The following RGS7BP variants were observed in gnomAD, a reference collection of about 807,000 sequenced individuals.
RGS7BP encodes regulator of G protein signaling 7-binding protein.
Under a neutral mutation model 31.3 loss-of-function variants are expected in RGS7BP, and 9 were observed. That is an observed-to-expected ratio of 0.29 (90% confidence interval 0.17 to 0.50). The LOEUF (loss-of-function observed/expected upper bound fraction) is 0.50, where lower values mean the gene tolerates loss of function less well. RGS7BP is among the 20% of genes least tolerant of loss of function. The probability of loss-of-function intolerance (pLI) is 0.98; values close to 1 mark genes in which losing one functional copy is unlikely to be tolerated. For missense variants in RGS7BP, 274 were observed against 322.0 expected (o/e 0.85, Z 1.14); for synonymous variants, 115 against 120.1 (o/e 0.96, Z 0.28).
intron 2 of RGS7BP, among the ~76,000 whole-genome samples, chr5:64,532,688 G>A (rs13164963): frequency 0.067 from 10,163 of 152,142 alleles, 413 homozygotes; most frequent in African/African-American, 0.094. Context: ...TTCAGTTCCT[G>A]GAAACTACCC....
chr5:64,530,493 G>T (rs1023117498), intron 2 of RGS7BP, among the ~76,000 whole-genome samples: 3 of 152,210 alleles, frequency 2.0e-5, no homozygotes, highest in African/African-American at 7.2e-5. Flanking sequence ...ACGAGGAAAT[G>T]AAGGCTCACA....
rs890516862 is a variant in RGS7BP at position 64,610,483 on chromosome 5, T to C, written c.*1231T>C. The C allele has an allele frequency of 3.9e-5, 6 of 151,916 alleles. No homozygotes were observed. The highest frequency in any genetic ancestry group is 8.8e-5 in the Non-Finnish European group (6 of 67,904). The allele number at this position is 151,916 out of a possible 1,614,324, so 9.4% of individuals were successfully genotyped here. ...GAGAGATCAAGTCTTTGCACTTTTTTTCTTGTTTTCCATAGTCTGAAAAAC... is the reference window on the plus strand; with the variant it reads ...GAGAGATCAAGTCTTTGCACTTTTTCTCTTGTTTTCCATAGTCTGAAAAAC... On this transcript the variant is annotated 3_prime_UTR_variant, in exon 6 of 6. Transcript: ENST00000334025.
At chr5:64,527,606 T>TAAAAAAAAAAAA (rs59081277) in intron 2 of RGS7BP, among the ~76,000 whole-genome samples, 6 of 86,464 alleles carry the variant, frequency 6.9e-5, no homozygotes, top group Non-Finnish European at 1.1e-4. Flanking sequence ...CTTATAACAG[T>TAAAAAAAAAAAA]AAAAAAAAAA....
In RGS7BP at chr5:64,542,654, T is replaced by G. The variant is rs111672664; in HGVS notation, c.333-33120T>G. On this transcript the variant is annotated intron_variant, in intron 2 of 5. Coordinates refer to ENST00000334025, the MANE Select transcript of RGS7BP (RefSeq NM_001029875.3). ...TTCCCCAAGTAGGGAGGAAGGAGCC[T>G]CAGGGCTGCTGTTAACCCTTTGTGT... is the stretch of plus-strand genomic sequence containing the variant. Among the ~76,000 whole-genome samples the G allele has an allele frequency of 3.1e-3, 469 of 152,322 alleles. 4 individuals are homozygous for G. Among genetic ancestry groups the G allele is most frequent in the African/African-American group, 0.011 (442 of 41,578 alleles).
intron 3 of RGS7BP, among the ~76,000 whole-genome samples, chr5:64,582,972 GA>G (rs1260849030): frequency 2.0e-5 from 3 of 152,168 alleles, no homozygotes; most frequent in Admixed American, 6.5e-5. Context: ...AAATAAAGCA[GA>G]ATAAATCTTA....
At chr5:64,569,532 A>C (rs927308194) in intron 2 of RGS7BP, among the ~76,000 whole-genome samples, 1 of 152,106 alleles carries the variant, frequency 6.6e-6, no homozygotes, top group Non-Finnish European at 1.5e-5. Context: ...TTCTGTATTT[A>C]TGAGAGTCTG....
intron 3 of RGS7BP, among the ~76,000 whole-genome samples, chr5:64,589,050 C>T (rs1332926918): frequency 1.3e-5 from 2 of 152,118 alleles, no homozygotes; most frequent in Non-Finnish European, 2.9e-5. Flanking sequence ...AATCCCAGCA[C>T]TTTGGGAGGC....
At chr5:64,601,857 A>C (rs1301047075) in intron 5 of RGS7BP, among the ~76,000 whole-genome samples, 2 of 152,232 alleles carry the variant, frequency 1.3e-5, no homozygotes, top group Non-Finnish European at 2.9e-5. Flanking sequence ...GCTGTTATCA[A>C]ACAAAACAAA....
chr5:64,531,635 C>T (rs756764473), intron 2 of RGS7BP, among the ~76,000 whole-genome samples: 2 of 152,202 alleles, frequency 1.3e-5, no homozygotes, highest in Non-Finnish European at 2.9e-5. Flanking sequence ...GTTCAGCCTA[C>T]ATTTATTATG....
chr5:64,583,570 T>G (rs564733507), intron 3 of RGS7BP, among the ~76,000 whole-genome samples: 253 of 152,098 alleles, frequency 1.7e-3, no homozygotes, highest in African/African-American at 5.7e-3. Flanking sequence ...TACTAATAAG[T>G]GCAATGAAAA....
intron 3 of RGS7BP, among the ~76,000 whole-genome samples, chr5:64,576,174 G>A (rs1470728440): frequency 6.6e-6 from 1 of 152,196 alleles, no homozygotes; most frequent in Non-Finnish European, 1.5e-5. Flanking sequence ...ACTTTTGTTA[G>A]ATTCAGCATA....
At chr5:64,593,163 A>C (rs902421546) in intron 3 of RGS7BP, among the ~76,000 whole-genome samples, 11 of 152,212 alleles carry the variant, frequency 7.2e-5, no homozygotes, top group African/African-American at 2.7e-4. Context: ...CAATGTGTGC[A>C]TGTGCTCTGG....
At chr5:64,545,257 C>A (rs910424880) in intron 2 of RGS7BP, among the ~76,000 whole-genome samples, 2 of 150,766 alleles carry the variant, frequency 1.3e-5, no homozygotes, top group African/African-American at 4.9e-5. Flanking sequence ...CACACCGGGG[C>A]CTGTTGTGAG....
At chr5:64,593,930 G>A (rs1742990306) in intron 3 of RGS7BP, among the ~76,000 whole-genome samples, 1 of 152,142 alleles carries the variant, frequency 6.6e-6, no homozygotes. Flanking sequence ...ATTGTGCCTA[G>A]GCCATACGAC....
At chr5:64,561,933 A>G (rs976406493) in intron 2 of RGS7BP, among the ~76,000 whole-genome samples, 5 of 152,194 alleles carry the variant, frequency 3.3e-5, no homozygotes, top group African/African-American at 7.2e-5. Context: ...CTAATGGTGC[A>G]TTATAATTCA....
At chr5:64,556,432 C>T (rs1427818941) in intron 2 of RGS7BP, among the ~76,000 whole-genome samples, 2 of 143,356 alleles carry the variant, frequency 1.4e-5, no homozygotes, top group Non-Finnish European at 3.0e-5. Context: ...CACACACACA[C>T]ACACACACAC....
chr5:64,539,720 C>G (rs189349110), intron 2 of RGS7BP: 1 of 152,098 alleles, frequency 6.6e-6, no homozygotes, highest in Non-Finnish European at 1.5e-5. Flanking sequence ...AGAACTCCTG[C>G]GCTGATCATT....
intron 2 of RGS7BP, chr5:64,573,453 T>G (rs1476642963): frequency 6.6e-6 from 1 of 152,178 alleles, no homozygotes; most frequent in African/African-American, 2.4e-5. Flanking sequence ...AAAATAAGAA[T>G]GTTCCATGGC....
chr5:64,551,209 T>G (rs1741785531), intron 2 of RGS7BP, among the ~76,000 whole-genome samples: 1 of 151,600 alleles, frequency 6.6e-6, no homozygotes. Flanking sequence ...GATTACTGTC[T>G]ATAGAAGCAT....
Sources: gnomAD v4.1 joint callset for allele counts (sites outside exome capture counted in the v4.1 genomes callset) on GRCh38, gnomAD v4.1.1 for gene constraint, MANE v1.5 for transcripts, NCBI Gene and HGNC (gene_info 2026-07-23, HGNC 2026-07-21) for gene names.